Variants in PTPRD observed in about 807,000 individuals in gnomAD.
PTPRD encodes receptor-type tyrosine-protein phosphatase delta.
In PTPRD, 34 loss-of-function variants were observed where a neutral mutation model predicts 214.5. The observed-to-expected ratio is 0.16, with a 90% CI of 0.12 to 0.21. The LOEUF is 0.21. PTPRD is among the 10% of genes least tolerant of loss of function. The pLI is 1.00. For synonymous variants in PTPRD, 1,128 were observed against 845.7 expected (o/e 1.33, Z -5.79); for missense variants, 2,545 against 2,398.7 (o/e 1.06, Z -1.27).
chr9:8,849,834 G>C (rs573746857), intron 11 of PTPRD, among the ~76,000 whole-genome samples: 2 of 152,130 alleles, frequency 1.3e-5, no homozygotes, highest in South Asian at 2.1e-4. Flanking sequence ...TTGAGCACTT[G>C]ATCAAGTAGA....
At position 9,930,376 on chromosome 9, in the gene PTPRD, A is replaced by G. The variant is rs547915017; in HGVS notation, c.-368+8131T>C. Among the ~76,000 whole-genome samples the G allele has an allele frequency of 5.3e-5, 8 of 152,368 alleles. No individual in the cohort carries two copies. In the South Asian group the frequency reaches 1.2e-3, roughly 24 times the overall value. On this transcript the variant is annotated intron_variant, in intron 5 of 45. Transcript: ENST00000381196. The stretch of plus-strand genomic sequence containing the variant: ...GAAACCACAGTCTATGGGGAAGACA[A>G]GAACAGAGAAGTCTGAGAAAGAGAC...
Position 10,498,668 on chromosome 9 carries a change from T to C in PTPRD, c.-600+113730A>G, listed in dbSNP as rs149304885. 1.5e-3 allele frequency among the ~76,000 whole-genome samples: 229 copies of C among 152,018 alleles called. 1 individual carries two copies. Among genetic ancestry groups the C allele is most frequent in the African/African-American group, 5.2e-3 (217 of 41,524 alleles). On this transcript the variant is annotated intron_variant, in intron 2 of 45. Transcript: ENST00000381196. ...AGACACAAAAAAAAGGTAAGAACAA[T>C]TGGTGTTGTATATTATAAATAGCAA...
At chr9:10,353,455 A>G (rs1320921089) in intron 2 of PTPRD, among the ~76,000 whole-genome samples, 3 of 152,040 alleles carry the variant, frequency 2.0e-5, no homozygotes, top group African/African-American at 7.2e-5. Flanking sequence ...CATTATAATA[A>G]GAACTATTTT....
intron 4 of PTPRD, among the ~76,000 whole-genome samples, chr9:10,023,750 T>G (rs1346883172): frequency 6.6e-6 from 1 of 151,568 alleles, no homozygotes; most frequent in Non-Finnish European, 1.5e-5. Context: ...GCTACAGAAG[T>G]GTTAAGTCCA....
chr9:10,244,776 G>C (rs2091796849), intron 3 of PTPRD, among the ~76,000 whole-genome samples: 1 of 152,078 alleles, frequency 6.6e-6, no homozygotes, highest in African/African-American at 2.4e-5. Flanking sequence ...CTTCTTTAAT[G>C]GAACAGTGAT....
chr9:9,328,994 T>C (rs535406106), intron 9 of PTPRD, among the ~76,000 whole-genome samples: 1 of 152,128 alleles, frequency 6.6e-6, no homozygotes, highest in East Asian at 1.9e-4. Flanking sequence ...TGCGTAAAAA[T>C]TGACACTATG....
chr9:8,420,653 G>A (rs1218992030), intron 35 of PTPRD, among the ~76,000 whole-genome samples: 1 of 152,064 alleles, frequency 6.6e-6, no homozygotes, highest in Non-Finnish European at 1.5e-5. Flanking sequence ...TTCTTTTCAT[G>A]CAAATATTTT....
Position 9,754,259 on chromosome 9 carries a change from T to C in PTPRD, c.-326+12551A>G, listed in dbSNP as rs139372193. Among the ~76,000 whole-genome samples, 40 of 152,178 alleles carry C rather than the reference T, an allele frequency of 2.6e-4. No individual in the cohort carries two copies. The East Asian group carries it at 6.9e-3, about 26-fold the overall frequency. On this transcript the variant is annotated intron_variant, in intron 6 of 45. Transcript: ENST00000381196. Reference sequence around the variant, plus strand: ...ATGACTTCCTGGTTCTAGTTTTCAATCTTCCAGAGGGTACAAATTCTTACA... The same window carrying C: ...ATGACTTCCTGGTTCTAGTTTTCAACCTTCCAGAGGGTACAAATTCTTACA...
intron 2 of PTPRD, among the ~76,000 whole-genome samples, chr9:10,444,868 C>T (rs1218659398): frequency 6.6e-6 from 1 of 151,778 alleles, no homozygotes; most frequent in African/African-American, 2.4e-5. Flanking sequence ...TTGTTTCATG[C>T]ATTACATGTC....
At position 9,040,684 on chromosome 9, in the gene PTPRD, T is replaced by C. The variant is rs192176521; in HGVS notation, c.-142-21949A>G. 6.0e-4 allele frequency among the ~76,000 whole-genome samples: 92 copies of C among 152,244 alleles called. 1 individual carries two copies. Among genetic ancestry groups the C allele is most frequent in the African/African-American group, 2.1e-3 (88 of 41,556 alleles). On this transcript the variant is annotated intron_variant, in intron 10 of 45. Coordinates refer to ENST00000381196, the MANE Select transcript of PTPRD (RefSeq NM_002839.4). ...TAGAATTTCTAAAAGCTGAACAGAA[T>C]GGAAGGTTATCTATAACATGAGCAT...
intron 14 of PTPRD, among the ~76,000 whole-genome samples, chr9:8,589,071 T>A (rs1255105408): frequency 1.3e-5 from 2 of 152,178 alleles, no homozygotes; most frequent in African/African-American, 4.8e-5. Flanking sequence ...CTATAGAAAA[T>A]TTTGAGTGAT....
At chr9:10,141,574 A>G (rs1331098627) in intron 3 of PTPRD, among the ~76,000 whole-genome samples, 2 of 152,100 alleles carry the variant, frequency 1.3e-5, no homozygotes, top group African/African-American at 2.4e-5. Context: ...AAGGAGAACT[A>G]CAAACCACTG....
intron 2 of PTPRD, among the ~76,000 whole-genome samples, chr9:10,424,353 G>A (rs2098592292): frequency 6.7e-6 from 1 of 150,008 alleles, no homozygotes; most frequent in Non-Finnish European, 1.5e-5. Flanking sequence ...CAGGAATTAT[G>A]AGATCTGTTA....
rs1389244771 is a variant in PTPRD at position 9,947,302 on chromosome 9, ATT to A, written c.-471-8694_-471-8693del. Among the ~76,000 whole-genome samples the A allele has an allele frequency of 1.9e-4, 18 of 96,266 alleles. 1 individual carries two copies. Among genetic ancestry groups the A allele is most frequent in the East Asian group, 5.3e-4 (2 of 3,756 alleles). 63.2% of individuals were successfully genotyped at this position (96,266 alleles called of 152,430 possible). On this transcript the variant is annotated intron_variant, in intron 4 of 45. Coordinates refer to ENST00000381196, the MANE Select transcript of PTPRD (RefSeq NM_002839.4). Reference sequence around the variant, plus strand: ...CATGTGCTCTGGAGATTATATATATATTTTATATATATATTATATATATTATA... The same window carrying A: ...CATGTGCTCTGGAGATTATATATATATTATATATATATTATATATATTATA...
chr9:8,736,265 T>G (rs1281357444), intron 11 of PTPRD, among the ~76,000 whole-genome samples: 2 of 152,132 alleles, frequency 1.3e-5, no homozygotes, highest in Non-Finnish European at 2.9e-5. Flanking sequence ...TATAGAACCC[T>G]CAATAAATCT....
At chr9:10,460,225 T>G (rs1037918493) in intron 2 of PTPRD, among the ~76,000 whole-genome samples, 3 of 151,608 alleles carry the variant, frequency 2.0e-5, no homozygotes, top group Non-Finnish European at 4.4e-5. Flanking sequence ...ATAAAAAAAA[T>G]TAAATAGGAC....
chr9:8,466,794 C>T (rs867288266), intron 31 of PTPRD, among the ~76,000 whole-genome samples: 2 of 151,718 alleles, frequency 1.3e-5, no homozygotes, highest in Non-Finnish European at 2.9e-5. Context: ...AATTAAGATA[C>T]TTATGGAAAC....
At chr9:8,505,544 C>A (rs1472378428) in intron 22 of PTPRD, among the ~76,000 whole-genome samples, 20 of 149,728 alleles carry the variant, frequency 1.3e-4, no homozygotes, top group Admixed American at 1.1e-3. Context: ...ATGGCGTGAA[C>A]CCAGGAGGCA....
At chr9:9,162,009 T>A (rs1240929545) in intron 10 of PTPRD, among the ~76,000 whole-genome samples, 3 of 152,050 alleles carry the variant, frequency 2.0e-5, no homozygotes, top group East Asian at 3.9e-4. Flanking sequence ...CAGGATAACA[T>A]GATAAGGGAT....
Sources: allele counts gnomAD v4.1 joint callset (sites outside exome capture counted in the v4.1 genomes callset), GRCh38; gene constraint gnomAD v4.1.1; transcripts MANE v1.5; gene names NCBI Gene and HGNC (gene_info 2026-07-23, HGNC 2026-07-21).